CRACDL: variants seen among roughly 807,000 people sequenced by gnomAD.
CRACDL encodes the protein CRACD-like protein.
CRACDL carries 26 observed loss-of-function variants against 70.6 expected under a neutral mutation model. The ratio of observed to expected loss-of-function variants is 0.37; its 90% CI spans 0.27 to 0.51. The LOEUF (loss-of-function observed/expected upper bound fraction) is 0.51, where lower values mean the gene tolerates loss of function less well. CRACDL is among the 20% of genes least tolerant of loss of function. CRACDL has a pLI of 0.94. For synonymous variants in CRACDL, 618 were observed against 615.2 expected (o/e 1.00, Z -0.07); for missense variants, 1,283 against 1,376.9 (o/e 0.93, Z 1.08).
chr2:98,905,913 G>A (rs1013095835), intron 1 of CRACDL, among the ~76,000 whole-genome samples: 2 of 152,090 alleles, frequency 1.3e-5, no homozygotes, highest in African/African-American at 2.4e-5. Flanking sequence ...CACCATGCCC[G>A]GCCTAGGTGT....
intron 1 of CRACDL, among the ~76,000 whole-genome samples, chr2:98,903,011 C>T (rs1272913031): frequency 1.3e-5 from 2 of 152,112 alleles, no homozygotes; most frequent in Admixed American, 6.5e-5. Context: ...CCCCCAGGGC[C>T]GCGCTAGCAC....
rs141654218 is a variant in CRACDL at position 98,922,656 on chromosome 2, G to A, written c.-11+13282C>T. 2.4e-4 allele frequency among the ~76,000 whole-genome samples: 36 copies of A among 152,066 alleles called. 1 individual carries two copies. The East Asian group carries it at 6.8e-3, about 29-fold the overall frequency. On this transcript the variant is annotated intron_variant, in intron 1 of 9. Transcript: ENST00000397899. ...CTATGATGCCATGCAGCTCCAATTA[G>A]CTTGACACCTAGCTCTCCCTCACAG...
At chr2:98,886,481 C>T (rs1251557077) in intron 1 of CRACDL, among the ~76,000 whole-genome samples, 1 of 152,160 alleles carries the variant, frequency 6.6e-6, no homozygotes, top group African/African-American at 2.4e-5. Flanking sequence ...CCTGAGAAGG[C>T]CCTAACTAAG....
chr2:98,902,287 C>T (rs377013886), intron 1 of CRACDL, among the ~76,000 whole-genome samples: 13 of 152,128 alleles, frequency 8.5e-5, no homozygotes, highest in African/African-American at 1.4e-4. Context: ...AAGGGGTCTC[C>T]GGCAGCCTTC....
At chr2:98,826,064 A>C (rs1575354527) in intron 6 of CRACDL, among the ~76,000 whole-genome samples, 1 of 152,124 alleles carries the variant, frequency 6.6e-6, no homozygotes, top group Admixed American at 6.5e-5. Flanking sequence ...TCCCCACTCC[A>C]GGGGGGACGC....
chr2:98,826,546 C>T (rs957428151), intron 6 of CRACDL, among the ~76,000 whole-genome samples: 1 of 152,152 alleles, frequency 6.6e-6, no homozygotes, highest in Admixed American at 6.5e-5. Context: ...AAGGCTGGGA[C>T]ACAGCAGCAC....
intron 1 of CRACDL, among the ~76,000 whole-genome samples, chr2:98,904,711 T>C (rs1027454343): frequency 2.6e-5 from 4 of 152,240 alleles, no homozygotes; most frequent in Non-Finnish European, 5.9e-5. Context: ...ATTTGTTTTA[T>C]TGTGTCTCTA....
intron 1 of CRACDL, chr2:98,869,026 T>C: frequency 8.3e-7 from 1 of 1,200,620 alleles, no homozygotes. Context: ...CGGCCTGGCC[T>C]CCCCTCCCTC....
intron 1 of CRACDL, among the ~76,000 whole-genome samples, chr2:98,849,991 C>T (rs1026217645): frequency 1.3e-5 from 2 of 152,166 alleles, no homozygotes; most frequent in African/African-American, 2.4e-5. Context: ...CAAGCTGAGC[C>T]CTGCTGTCGG....
At chr2:98,854,349 A>G (rs973010491) in intron 1 of CRACDL, among the ~76,000 whole-genome samples, 2 of 150,892 alleles carry the variant, frequency 1.3e-5, no homozygotes, top group South Asian at 2.1e-4. Context: ...GAAAAATGAT[A>G]AATATTAAAT....
chr2:98,927,501 GA>G (rs11334026), intron 1 of CRACDL, among the ~76,000 whole-genome samples: 19,596 of 138,030 alleles, frequency 0.14, 1,739 homozygotes, highest in African/African-American at 0.26. Context: ...ATCTCTTGGG[GA>G]AAAAAAAAAA....
intron 1 of CRACDL, among the ~76,000 whole-genome samples, chr2:98,927,116 C>T (rs553775283): frequency 2.6e-5 from 4 of 152,356 alleles, no homozygotes; most frequent in African/African-American, 9.6e-5. Flanking sequence ...TCAGGGCTCA[C>T]GTCAAGAGGC....
At chr2:98,913,576 G>T (rs1443020378) in intron 1 of CRACDL, among the ~76,000 whole-genome samples, 1 of 152,118 alleles carries the variant, frequency 6.6e-6, no homozygotes, top group East Asian at 1.9e-4. Context: ...AGATTGGAGG[G>T]TGCAGGCAGA....
intron 1 of CRACDL, among the ~76,000 whole-genome samples, chr2:98,889,496 A>G (rs943997877): frequency 6.6e-6 from 1 of 152,200 alleles, no homozygotes; most frequent in Non-Finnish European, 1.5e-5. Context: ...ACATATGTGC[A>G]TCTAATATCA....
intron 1 of CRACDL, among the ~76,000 whole-genome samples, chr2:98,930,048 C>T (rs1489889134): frequency 6.6e-6 from 1 of 152,114 alleles, no homozygotes; most frequent in Non-Finnish European, 1.5e-5. Context: ...TGACCCAATG[C>T]TGGTCCTCTG....
intron 1 of CRACDL, among the ~76,000 whole-genome samples, chr2:98,861,238 T>C (rs1706922239): frequency 6.6e-6 from 1 of 152,054 alleles, no homozygotes; most frequent in African/African-American, 2.4e-5. Flanking sequence ...TCCCAGCTAC[T>C]TGGGAGGCTG....
intron 1 of CRACDL, among the ~76,000 whole-genome samples, chr2:98,909,216 C>T (rs976511889): frequency 7.9e-5 from 12 of 152,214 alleles, no homozygotes; most frequent in African/African-American, 2.7e-4. Context: ...TTCATGAGCC[C>T]TAGATAGCAA....
At chr2:98,826,437 A>C (rs1705305092) in intron 6 of CRACDL, among the ~76,000 whole-genome samples, 1 of 152,238 alleles carries the variant, frequency 6.6e-6, no homozygotes, top group South Asian at 2.1e-4. Context: ...GACTGGCAAT[A>C]AGAGCACATC....
At chr2:98,910,521 AAAATAAATAAATAAAT>A (rs61614119) in intron 1 of CRACDL, among the ~76,000 whole-genome samples, 2,336 of 140,806 alleles carry the variant, frequency 0.017, 48 homozygotes, top group African/African-American at 0.05. Context: ...ACTCTGTCTC[AAAATAAATAAATAAAT>A]AAATAAATAA....
Sources: allele counts gnomAD v4.1 joint callset (sites outside exome capture counted in the v4.1 genomes callset), GRCh38; gene constraint gnomAD v4.1.1; transcripts MANE v1.5; gene names NCBI Gene and HGNC (gene_info 2026-07-23, HGNC 2026-07-21).